ADGRE1: variants seen among roughly 807,000 people sequenced by gnomAD.
ADGRE1 encodes adhesion G protein-coupled receptor E1.
A neutral mutation model predicts 102.7 loss-of-function variants in ADGRE1; 82 were observed. The observed-to-expected ratio is 0.80, with a 90% CI of 0.67 to 0.96. The LOEUF (loss-of-function observed/expected upper bound fraction) is 0.96, where lower values mean the gene tolerates loss of function less well. Among genes scored for constraint, ADGRE1 ranks in the 40% least tolerant of loss-of-function variants. The pLI, the probability that ADGRE1 is intolerant of heterozygous loss-of-function variation, is 0.00. For missense variants in ADGRE1, 1,032 were observed against 1,085.3 expected (o/e 0.95, Z 0.69); for synonymous variants, 398 against 399.6 (o/e 1.00, Z 0.05).
At chr19:6,910,633 GC>G (rs1974142992) in intron 10 of ADGRE1, among the ~76,000 whole-genome samples, 1 of 146,258 alleles carries the variant, frequency 6.8e-6, no homozygotes. Context: ...GTGCAATGGC[GC>G]AATATTGACT....
rs776932167 is a variant in ADGRE1, at chr19:6,928,307, G to A, written c.2289+96G>A. On this transcript the variant is annotated intron_variant, in intron 17 of 20. Transcript: ENST00000312053. Reference sequence around the variant, plus strand: ...AATTTCCAGGGACGTGTGCAGCTGAGAGGGTCACTTATTCCCATCAAAAGT... The same window carrying A: ...AATTTCCAGGGACGTGTGCAGCTGAAAGGGTCACTTATTCCCATCAAAAGT... The A allele has an allele frequency of 2.5e-6, 4 of 1,606,144 alleles. No individual in the cohort carries two copies. The South Asian group carries it at 3.3e-5, about 13-fold the overall frequency.
chr19:6,905,360 C>CTTT (rs71177126), intron 8 of ADGRE1, among the ~76,000 whole-genome samples: 2 of 134,394 alleles, frequency 1.5e-5, no homozygotes, highest in Admixed American at 7.4e-5. Flanking sequence ...GTTTTTTTTT[C>CTTT]TTTTTTTTTT....
intron 15 of ADGRE1, 126 bp from the exon 16 acceptor site, chr19:6,926,240 T>C (rs1441388237): frequency 3.3e-5 from 33 of 988,288 alleles, no homozygotes; most frequent in Non-Finnish European, 4.6e-5. Context: ...TCTCTATAAA[T>C]GTTTGTGAGA....
intron 12 of ADGRE1, 96 bp from the exon 13 acceptor site, chr19:6,919,442 CTGTGTGTGTG>C (rs149877096): frequency 6.0e-4 from 271 of 449,730 alleles, no homozygotes; most frequent in Non-Finnish European, 7.6e-4. Context: ...CTCCCTCCCT[CTGTGTGTGTG>C]TGTGTGTGTG....
intron 8 of ADGRE1, among the ~76,000 whole-genome samples, chr19:6,905,910 C>G (rs1408755385): frequency 1.3e-5 from 2 of 152,140 alleles, no homozygotes; most frequent in Non-Finnish European, 2.9e-5. Context: ...CCTCCTTAGA[C>G]AGCCACTTGG....
chr19:6,901,793 C>T, intron 5 of ADGRE1, 82 bp from the exon 6 acceptor site: 1 of 1,450,052 alleles, frequency 6.9e-7, no homozygotes, highest in Non-Finnish European at 9.6e-7. Flanking sequence ...AAAATCAACA[C>T]TCAGAGTGCA....
Position 6,937,409 on chromosome 19 carries a change from C to T in ADGRE1, c.2548C>T (p.Gln850Ter), listed in dbSNP as rs1487479392. Residue 850 changes from glutamine to a stop codon, truncating the protein, a stop_gained and splice_region_variant, in exon 19 of 21, where the codon CAG (glutamine) becomes TAG (stop). Coordinates refer to ENST00000312053, the MANE Select transcript of ADGRE1 (RefSeq NM_001974.5). LOFTEE classifies it high-confidence loss of function. The stretch of plus-strand genomic sequence containing the variant: ...CCTCATCCACTGTCTGCTCAACGGC[C>T]AGGTGTGTAGCTGCTGCCCTCCCCA... ...IFLIHCLLNG[Q>*]VREEYKRWIT... The T allele has an allele frequency of 1.2e-6, 2 of 1,613,094 alleles. No individual in the cohort carries two copies. The highest frequency in any genetic ancestry group is 1.7e-6 in the Non-Finnish European group (2 of 1,179,792).
Position 6,921,752 on chromosome 19 carries a change from A to G in ADGRE1, c.1660A>G (p.Ser554Gly), listed in dbSNP as rs1244636572. The G allele has an allele frequency of 6.2e-7, 1 of 1,613,286 alleles. No individual in the cohort carries two copies. The highest frequency in any genetic ancestry group is 1.3e-5 in the African/African-American group (1 of 74,732). The change falls in exon 14 of 21, where the codon AGC becomes GGC. Residue 554 changes from serine (S) to glycine (G), a missense_variant. Transcript: ENST00000312053. Reference protein sequence around the residue: ...KFERPICVSWSTDVKGGRWTS... With the variant: ...KFERPICVSWGTDVKGGRWTS... ...TGAGAGGCCCATCTGTGTTTCCTGG[A>G]GCACTGATGTGAAGGGTGGAAGATG...
At chr19:6,938,711 A>G (rs1484323733) in intron 20 of ADGRE1, among the ~76,000 whole-genome samples, 1 of 151,564 alleles carries the variant, frequency 6.6e-6, no homozygotes, top group Non-Finnish European at 1.5e-5. Context: ...CGGACATAGC[A>G]GGATCTCAGT....
chr19:6,913,977 A>G, intron 11 of ADGRE1, 147 bp downstream of exon 11: 1 of 899,844 alleles, frequency 1.1e-6, no homozygotes, highest in Non-Finnish European at 1.6e-6. Context: ...GTCTAATCAT[A>G]TTAACAACAT....
In ADGRE1 at chr19:6,897,537, C is replaced by G; in HGVS notation, c.504C>G (p.Ser168=). The part of the protein sequence containing the change: ...SCQVGFISRN[S]TCEDVDECAD... ...AAGTTGGATTCATCTCTAGAAACTC[C>G]ACCTGTGAAGGTATCCATGACCATC... Residue 168 remains serine, a synonymous_variant, in exon 5 of 21, where the codon TCC becomes TCG. Transcript: ENST00000312053. 1 of 1,567,920 alleles carries G rather than the reference C, an allele frequency of 6.4e-7. No individual in the cohort carries two copies. Among genetic ancestry groups the G allele is most frequent in the Non-Finnish European group, 8.6e-7 (1 of 1,162,818 alleles).
In ADGRE1 at chr19:6,934,922, A is replaced by G. The variant is rs1363747202; in HGVS notation, c.2290-65A>G. On this transcript the variant is annotated intron_variant, in intron 17 of 20. Transcript: ENST00000312053. ...ACGCCCAGCCCAGAGTTCTCTTTTT[A>G]TAGGTGTTCTGGCCCTTGTCTATTT... 15 of 1,188,980 alleles carry G rather than the reference A, an allele frequency of 1.3e-5. No homozygotes were observed. In the East Asian group the frequency reaches 3.2e-4, roughly 26 times the overall value. 73.7% of individuals were successfully genotyped at this position (1,188,980 alleles called of 1,614,324 possible).
At position 6,898,448 on chromosome 19, in the gene ADGRE1, A is replaced by G. The variant is rs549176366; in HGVS notation, c.514+901A>G. On this transcript the variant is annotated intron_variant, in intron 5 of 20. Transcript: ENST00000312053. ...GACTGGATCCCAGGAAAGCCGGGCA[A>G]TTTCTCCTGTACTGGTGATGCCCTC... is the stretch of plus-strand genomic sequence containing the variant. 6,871 of 1,597,742 alleles carry G rather than the reference A, an allele frequency of 4.3e-3. 16 individuals are homozygous for G. The highest frequency in any genetic ancestry group is 5.3e-3 in the Middle Eastern group (32 of 6,038).
chr19:6,926,496 G>A lies in ADGRE1; in HGVS notation c.2117G>A (p.Arg706His), dbSNP rs375499219. 5.6e-6 allele frequency: 9 copies of A among 1,614,214 alleles called. No individual in the cohort carries two copies. Among genetic ancestry groups the A allele is most frequent in the South Asian group, 3.3e-5 (3 of 91,076 alleles). The part of the protein sequence containing the change: ...NLKVVNYFSS[R>H]NIKMLHICAF... ...AAGGTGGTGAATTACTTCAGCTCTC[G>A]CAACATCAAGATGCTGCACATCTGT... is the stretch of plus-strand genomic sequence containing the variant. The change falls in exon 16 of 21, where the codon CGC (arginine) becomes CAC (histidine). Residue 706 changes from arginine (R) to histidine (H), a missense_variant. By Grantham distance (29) the Arg-to-His change is conservative. Coordinates refer to ENST00000312053, the MANE Select transcript of ADGRE1 (RefSeq NM_001974.5).
intron 2 of ADGRE1, chr19:6,895,400 A>G (rs1828744698): frequency 1.3e-5 from 2 of 152,268 alleles, no homozygotes; most frequent in Non-Finnish European, 2.9e-5. Flanking sequence ...TTGGGGGAAC[A>G]GCCACCATTC....
chr19:6,917,583 A>G (rs1599745068), intron 12 of ADGRE1, among the ~76,000 whole-genome samples: 1 of 152,188 alleles, frequency 6.6e-6, no homozygotes, highest in East Asian at 1.9e-4. Context: ...TACTAAAAAT[A>G]TAAAGAATGA....
chr19:6,929,997 C>A (rs1318673030), intron 17 of ADGRE1, among the ~76,000 whole-genome samples: 1 of 152,142 alleles, frequency 6.6e-6, no homozygotes, highest in East Asian at 1.9e-4. Context: ...TTCCTATTGG[C>A]ACAACTGCCA....
intron 8 of ADGRE1, among the ~76,000 whole-genome samples, chr19:6,904,947 A>G (rs370731024): frequency 2.2e-4 from 33 of 152,262 alleles, no homozygotes; most frequent in African/African-American, 7.7e-4. Context: ...TAGCAGATGC[A>G]AAGGTCCTGA....
Position 6,926,488 on chromosome 19 carries a change from C to T in ADGRE1, c.2109C>T (p.Phe703=). 2 of 1,614,260 alleles carry T rather than the reference C, an allele frequency of 1.2e-6. No individual in the cohort carries two copies. The highest frequency in any genetic ancestry group is 1.7e-6 in the Non-Finnish European group (2 of 1,180,044). Residue 703 remains phenylalanine, a synonymous_variant, in exon 16 of 21, where the codon TTC becomes TTT. Transcript: ENST00000312053. ...GAAACCTGAAGGTGGTGAATTACTT[C>T]AGCTCTCGCAACATCAAGATGCTGC... ...MVRNLKVVNY[F]SSRNIKMLHI... is the part of the protein sequence containing the mutation.
Sources: allele counts gnomAD v4.1 joint callset (sites outside exome capture counted in the v4.1 genomes callset), GRCh38; gene constraint gnomAD v4.1.1; transcripts MANE v1.5; gene names NCBI Gene and HGNC (gene_info 2026-07-23, HGNC 2026-07-21).